Variants in SH3PXD2A observed in about 807,000 individuals in gnomAD.
SH3PXD2A encodes the protein SH3 and PX domains 2A, also known as SH3 and PX domain-containing protein 2A.
In SH3PXD2A, 32 loss-of-function variants were observed where a neutral mutation model predicts 115.2. The observed-to-expected ratio is 0.28, with a 90% CI of 0.21 to 0.37. SH3PXD2A has a LOEUF of 0.37. Among genes scored for constraint, SH3PXD2A ranks in the 10% least tolerant of loss-of-function variants. SH3PXD2A has a pLI of 1.00. For missense variants in SH3PXD2A, 1,328 were observed against 1,498.7 expected, an observed-to-expected ratio of 0.89 and a Z score of 1.88; for synonymous variants, 610 against 629.1, an observed-to-expected ratio of 0.97 and a Z score of 0.45.
chr10:103,722,409 C>G (rs2038193138), intron 5 of SH3PXD2A, among the ~76,000 whole-genome samples: 1 of 151,944 alleles, frequency 6.6e-6, no homozygotes, highest in South Asian at 2.1e-4. Flanking sequence ...AATCACTATT[C>G]CCTTTTTACA....
chr10:103,714,270 T>C (rs1432927784), intron 5 of SH3PXD2A, among the ~76,000 whole-genome samples: 1 of 152,176 alleles, frequency 6.6e-6, no homozygotes, highest in Non-Finnish European at 1.5e-5. Flanking sequence ...CATGGGGGTC[T>C]TGAGGTTTCA....
chr10:103,716,898 G>C (rs1420560820), intron 5 of SH3PXD2A, among the ~76,000 whole-genome samples: 3 of 152,222 alleles, frequency 2.0e-5, no homozygotes, highest in African/African-American at 7.2e-5. Context: ...TATGTATGTG[G>C]AGGGAAGTGA....
At position 103,699,742 on chromosome 10, in the gene SH3PXD2A, C is replaced by T. The variant is rs538276652; in HGVS notation, c.399-6686G>A. ...GGGGCCTGCAGGCCATTCTCTGCCC[C>T]CATTTGCTCCCTGATCTAAATCGTG... On this transcript the variant is annotated intron_variant, in intron 5 of 14. Coordinates refer to ENST00000369774, the MANE Select transcript of SH3PXD2A (RefSeq NM_001394015.1). 8.5e-5 allele frequency among the ~76,000 whole-genome samples: 13 copies of T among 152,324 alleles called. No homozygotes were observed. The South Asian group carries it at 2.7e-3, about 32-fold the overall frequency.
intron 4 of SH3PXD2A, among the ~76,000 whole-genome samples, chr10:103,728,771 A>G (rs930911102): frequency 2.6e-5 from 4 of 152,244 alleles, no homozygotes; most frequent in Non-Finnish European, 5.9e-5. Flanking sequence ...ATCAACTCTA[A>G]GAGGACAGTA....
Position 103,602,131 on chromosome 10 carries a change from C to A in SH3PXD2A, c.3087G>T (p.Lys1029Asn). ...STARSAAAEA[K>N]GRLAERAASQ... ...TGGCAGCCCGTTCGGCCAGGCGGCC[C>A]TTGGCCTCGGCGGCAGCGGAGCGAG... The change falls in exon 15 of 15, where the codon AAG becomes AAT. Residue 1029 changes from lysine to asparagine, a missense_variant. Physicochemically the swap from Lys to Asn is moderately conservative, Grantham distance 94. Transcript: ENST00000369774. 6.3e-7 allele frequency: 1 copy of A among 1,582,332 alleles called. No individual in the cohort carries two copies. Among genetic ancestry groups the A allele is most frequent in the South Asian group, 1.2e-5 (1 of 85,926 alleles).
At chr10:103,854,534 G>A (rs537016021) in intron 1 of SH3PXD2A, among the ~76,000 whole-genome samples, 9 of 152,254 alleles carry the variant, frequency 5.9e-5, no homozygotes, top group Non-Finnish European at 8.8e-5. Context: ...TCGCCTCCTC[G>A]TGTCTGGAGA....
intron 2 of SH3PXD2A, among the ~76,000 whole-genome samples, chr10:103,781,656 T>C (rs1027043217): frequency 2.6e-5 from 4 of 152,212 alleles, no homozygotes; most frequent in African/African-American, 9.6e-5. Context: ...AGTCAGGCAT[T>C]ACATTCCCTG....
chr10:103,691,979 G>A (rs2037757779), intron 6 of SH3PXD2A, among the ~76,000 whole-genome samples: 1 of 152,104 alleles, frequency 6.6e-6, no homozygotes, highest in Admixed American at 6.5e-5. Context: ...CACCACACAG[G>A]GGCACTCCCC....
intron 1 of SH3PXD2A, among the ~76,000 whole-genome samples, chr10:103,844,656 C>T (rs760085988): frequency 5.9e-5 from 9 of 151,982 alleles, no homozygotes; most frequent in Non-Finnish European, 1.3e-4. Flanking sequence ...GGTGTAGAAC[C>T]AGGCGCAGGC....
intron 3 of SH3PXD2A, among the ~76,000 whole-genome samples, chr10:103,761,109 A>G (rs1305873291): frequency 6.6e-6 from 1 of 152,208 alleles, no homozygotes; most frequent in Non-Finnish European, 1.5e-5. Context: ...AGACCAGCTG[A>G]CATGCTTGTT....
chr10:103,819,996 G>A (rs978922381), intron 1 of SH3PXD2A, among the ~76,000 whole-genome samples: 1 of 152,130 alleles, frequency 6.6e-6, no homozygotes, highest in Non-Finnish European at 1.5e-5. Context: ...GTTCCTGGAG[G>A]GGCACAGGGT....
intron 6 of SH3PXD2A, among the ~76,000 whole-genome samples, chr10:103,678,871 C>A (rs925445185): frequency 6.6e-6 from 1 of 152,128 alleles, no homozygotes; most frequent in Admixed American, 6.5e-5. Flanking sequence ...GCTCCTGGGC[C>A]AACACATATT....
intron 2 of SH3PXD2A, among the ~76,000 whole-genome samples, chr10:103,790,346 G>A (rs1036862683): frequency 1.3e-5 from 2 of 151,934 alleles, no homozygotes; most frequent in Non-Finnish European, 2.9e-5. Flanking sequence ...TAGTAGAGAC[G>A]GGGTTTCACG....
At chr10:103,828,152 A>G (rs1384947665) in intron 1 of SH3PXD2A, among the ~76,000 whole-genome samples, 1 of 152,128 alleles carries the variant, frequency 6.6e-6, no homozygotes, top group Non-Finnish European at 1.5e-5. Flanking sequence ...GGTAATGGGG[A>G]TGATGGGTAG....
chr10:103,614,804 G>A (rs1265691754), intron 11 of SH3PXD2A, among the ~76,000 whole-genome samples: 4 of 151,684 alleles, frequency 2.6e-5, no homozygotes, highest in Admixed American at 6.6e-5. Context: ...GTTCTTGGGC[G>A]CTCATTAGGT....
At chr10:103,838,104 C>T (rs1317651536) in intron 1 of SH3PXD2A, among the ~76,000 whole-genome samples, 2 of 152,208 alleles carry the variant, frequency 1.3e-5, no homozygotes, top group South Asian at 4.1e-4. Flanking sequence ...AGGAAATCCC[C>T]TGCTGGCCTG....
At chr10:103,730,200 C>A (rs975442181) in intron 4 of SH3PXD2A, among the ~76,000 whole-genome samples, 55 of 149,936 alleles carry the variant, frequency 3.7e-4, no homozygotes, top group African/African-American at 1.2e-3. Flanking sequence ...TTGCTTCTCT[C>A]TTTTCAGCAG....
chr10:103,822,121 C>T (rs1402412933), intron 1 of SH3PXD2A, among the ~76,000 whole-genome samples: 1 of 151,752 alleles, frequency 6.6e-6, no homozygotes, highest in Admixed American at 6.6e-5. Flanking sequence ...AAACTCCTAA[C>T]CTTAGGTGAT....
intron 7 of SH3PXD2A, chr10:103,661,910 C>T: frequency 4.1e-6 from 4 of 985,310 alleles, no homozygotes; most frequent in Non-Finnish European, 4.8e-6. Flanking sequence ...CAGCCCGCCC[C>T]CCGCCAACTT....
Sources: gnomAD v4.1 joint callset for allele counts (sites outside exome capture counted in the v4.1 genomes callset) on GRCh38, gnomAD v4.1.1 for gene constraint, MANE v1.5 for transcripts, NCBI Gene and HGNC (gene_info 2026-07-23, HGNC 2026-07-21) for gene names.